Variants in ITGAV observed in about 807,000 individuals in gnomAD.
ITGAV encodes the protein integrin alpha-V.
Under a neutral mutation model 143.8 loss-of-function variants are expected in ITGAV, and 76 were observed. That is an observed-to-expected ratio of 0.53 (90% CI 0.44 to 0.64). The LOEUF (loss-of-function observed/expected upper bound fraction) is 0.64. ITGAV is among the 30% of genes least tolerant of loss of function. The probability of loss-of-function intolerance (pLI) is 0.00; values close to 1 mark genes in which losing one functional copy is unlikely to be tolerated. For missense variants in ITGAV, 1,193 were observed against 1,274.7 expected (o/e 0.94, Z 0.98); for synonymous variants, 453 against 446.7 (o/e 1.01, Z -0.18).
chr2:186,674,426 GATT>G (rs1313062825), intron 26 of ITGAV, among the ~76,000 whole-genome samples: 1 of 151,786 alleles, frequency 6.6e-6, no homozygotes, highest in Non-Finnish European at 1.5e-5. Flanking sequence ...TTTTAATTTG[GATT>G]ATTTAGTGTT....
Position 186,675,883 on chromosome 2 carries a change from C to T in ITGAV, c.2884C>T (p.Pro962Ser), listed in dbSNP as rs1445250226. ...TGCTTCATTTAATGTCATAGAGTTT[C>T]CTTATAAGAATCTTCCAATTGAGGA... Reference protein sequence around the residue: ...SSASFNVIEFPYKNLPIEDIT... With the variant: ...SSASFNVIEFSYKNLPIEDIT... The change falls in exon 28 of 30, where the codon CCT (proline) becomes TCT (serine). Residue 962 changes from proline (P) to serine (S), a missense_variant. Physicochemically the swap from Pro to Ser is moderately conservative, Grantham distance 74. Transcript: ENST00000261023. The T allele has an allele frequency of 6.2e-7, 1 of 1,608,744 alleles. No homozygotes were observed. The highest frequency in any genetic ancestry group is 2.2e-5 in the East Asian group (1 of 44,810).
intron 2 of ITGAV, among the ~76,000 whole-genome samples, chr2:186,602,987 T>C (rs1311077014): frequency 6.6e-6 from 1 of 152,018 alleles, no homozygotes; most frequent in Non-Finnish European, 1.5e-5. Flanking sequence ...ATGGTTCTGA[T>C]AACAGGAGAA....
intron 25 of ITGAV, 46 bp downstream of exon 25, chr2:186,668,966 C>T: frequency 7.1e-7 from 1 of 1,415,596 alleles, no homozygotes; most frequent in Middle Eastern, 2.0e-4. Context: ...TATTTCATTG[C>T]CTTCTTTCTA....
intron 2 of ITGAV, among the ~76,000 whole-genome samples, chr2:186,604,543 A>T (rs1459605387): frequency 1.3e-5 from 2 of 152,214 alleles, no homozygotes; most frequent in Non-Finnish European, 2.9e-5. Flanking sequence ...AAATGTATGT[A>T]TATTTAAAGT....
rs760319505 is a variant in ITGAV at position 186,646,711 on chromosome 2, G to T, written c.1185G>T (p.Gly395=). ...ATATTGCAATTGCTGCTCCATATGG[G>T]GGTGAAGATAAAAAAGGAATTGTTT... ...FNDIAIAAPY[G]GEDKKGIVYI... The change falls in exon 13 of 30, where the codon GGG becomes GGT. Residue 395 remains glycine (G), a synonymous_variant. Transcript: ENST00000261023. 2 of 1,599,534 alleles carry T rather than the reference G, an allele frequency of 1.3e-6. No individual in the cohort carries two copies. Among genetic ancestry groups the T allele is most frequent in the South Asian group, 2.2e-5 (2 of 89,036 alleles).
At chr2:186,669,843 T>C (rs369208404) in intron 26 of ITGAV, 29 bp downstream of exon 26, 3 of 1,419,574 alleles carry the variant, frequency 2.1e-6, no homozygotes, top group Non-Finnish European at 3.0e-6. Flanking sequence ...ATGTGCACCA[T>C]AGACATTTAA....
intron 1 of ITGAV, among the ~76,000 whole-genome samples, chr2:186,596,115 G>A (rs1318121321): frequency 1.3e-5 from 2 of 152,220 alleles, no homozygotes; most frequent in Non-Finnish European, 2.9e-5. Context: ...TATTTTCGTG[G>A]TGTTTCAGAT....
chr2:186,600,098 C>A, intron 1 of ITGAV: 1 of 461,630 alleles, frequency 2.2e-6, no homozygotes, highest in Admixed American at 3.9e-5. Context: ...GGATAAAATA[C>A]AAAGTTTAAC....
intron 2 of ITGAV, among the ~76,000 whole-genome samples, chr2:186,610,599 T>A (rs943092602): frequency 6.6e-6 from 1 of 152,214 alleles, no homozygotes; most frequent in Non-Finnish European, 1.5e-5. Flanking sequence ...TCTTCATAAT[T>A]TATAGATTTT....
At chr2:186,666,683 A>G (rs1295355100) in intron 21 of ITGAV, 21 bp from the exon 22 acceptor site, 4 of 1,427,430 alleles carry the variant, frequency 2.8e-6, no homozygotes, top group African/African-American at 1.5e-5. Flanking sequence ...TAGCATTACT[A>G]TCTTTTCCTC....
At chr2:186,651,629 C>T (rs1688433712) in intron 14 of ITGAV, among the ~76,000 whole-genome samples, 1 of 151,924 alleles carries the variant, frequency 6.6e-6, no homozygotes, top group Non-Finnish European at 1.5e-5. Context: ...TCTTAGAGGT[C>T]ATCCCACTCA....
intron 2 of ITGAV, among the ~76,000 whole-genome samples, chr2:186,617,463 G>C (rs762688583): frequency 8.5e-5 from 13 of 152,200 alleles, no homozygotes; most frequent in Non-Finnish European, 1.6e-4. Flanking sequence ...CAAGCATGCA[G>C]TCATGGGAGT....
intron 2 of ITGAV, among the ~76,000 whole-genome samples, chr2:186,612,320 C>G (rs1687238024): frequency 6.6e-6 from 1 of 152,018 alleles, no homozygotes; most frequent in African/African-American, 2.4e-5. Flanking sequence ...TGTATCACTG[C>G]CCTACGAAAG....
intron 6 of ITGAV, among the ~76,000 whole-genome samples, chr2:186,634,033 A>C (rs1355034015): frequency 6.6e-6 from 1 of 152,272 alleles, no homozygotes; most frequent in East Asian, 1.9e-4. Context: ...CTCTCAAAAA[A>C]TATATATAAA....
intron 28 of ITGAV, 44 bp from the exon 29 acceptor site, chr2:186,676,769 G>A (rs1689221951): frequency 1.9e-6 from 3 of 1,589,986 alleles, no homozygotes; most frequent in Non-Finnish European, 2.6e-6. Flanking sequence ...TGTTGATTAA[G>A]TCAATGGACT....
intron 1 of ITGAV, among the ~76,000 whole-genome samples, chr2:186,592,702 A>G (rs1167122892): frequency 6.6e-6 from 1 of 152,160 alleles, no homozygotes; most frequent in African/African-American, 2.4e-5. Context: ...ATGACCTCAC[A>G]GGTTTACATG....
intron 8 of ITGAV, 54 bp downstream of exon 8, chr2:186,637,163 G>A (rs1687967173): frequency 6.9e-7 from 1 of 1,442,156 alleles, no homozygotes. Context: ...TTAAGTATTT[G>A]AAACATGTGG....
At chr2:186,590,983 C>T (rs926065139) in intron 1 of ITGAV, among the ~76,000 whole-genome samples, 2 of 152,126 alleles carry the variant, frequency 1.3e-5, no homozygotes, top group Admixed American at 1.3e-4. Flanking sequence ...ACAAGCCCTC[C>T]CCCACTCTTT....
chr2:186,637,351 G>A (rs946398044), intron 8 of ITGAV, among the ~76,000 whole-genome samples: 1 of 151,778 alleles, frequency 6.6e-6, no homozygotes, highest in African/African-American at 2.4e-5. Context: ...GCGCGGTGAT[G>A]CACACCAGTG....
Sources: gnomAD v4.1 joint callset for allele counts (sites outside exome capture counted in the v4.1 genomes callset) on GRCh38, gnomAD v4.1.1 for gene constraint, MANE v1.5 for transcripts, NCBI Gene and HGNC (gene_info 2026-07-23, HGNC 2026-07-21) for gene names.